SRBD1: variants seen among roughly 807,000 people sequenced by gnomAD.
The protein encoded by SRBD1 is S1 RNA-binding domain-containing protein 1.
A neutral mutation model predicts 115.3 loss-of-function variants in SRBD1; 88 were observed. That is an observed-to-expected ratio of 0.76 (90% CI 0.64 to 0.91). SRBD1 has a LOEUF of 0.91. Ranked by LOEUF, SRBD1 falls within the 40% of genes least tolerant of loss-of-function variation. The pLI, the probability that SRBD1 is intolerant of heterozygous loss-of-function variation, is 0.00. For missense variants in SRBD1, 1,385 were observed against 1,177.4 expected, an observed-to-expected ratio of 1.18 and a Z score of -2.58; for synonymous variants, 509 against 407.7, an observed-to-expected ratio of 1.25 and a Z score of -2.99.
chr2:45,550,173 T>C (rs990400888), intron 12 of SRBD1, among the ~76,000 whole-genome samples: 2 of 152,012 alleles, frequency 1.3e-5, no homozygotes, highest in East Asian at 1.9e-4. Context: ...AAATTAGACA[T>C]AGCAGGATAG....
chr2:45,495,040 A>G (rs1030738713), intron 14 of SRBD1, among the ~76,000 whole-genome samples: 9 of 152,168 alleles, frequency 5.9e-5, no homozygotes, highest in Admixed American at 1.3e-4. Context: ...CTGGGAGAAA[A>G]TAAAAAGTCT....
intron 16 of SRBD1, among the ~76,000 whole-genome samples, chr2:45,473,199 T>A (rs1669703138): frequency 6.6e-6 from 1 of 152,114 alleles, no homozygotes; most frequent in African/African-American, 2.4e-5. Flanking sequence ...TTAAATATCT[T>A]ATTGGTGGTT....
chr2:45,606,125 T>C (rs1674264658), intron 1 of SRBD1, among the ~76,000 whole-genome samples: 1 of 151,180 alleles, frequency 6.6e-6, no homozygotes, highest in Non-Finnish European at 1.5e-5. Context: ...TATTAAACTA[T>C]ATCTCAAAGA....
chr2:45,548,326 C>G (rs970426963), intron 12 of SRBD1, among the ~76,000 whole-genome samples: 2 of 151,492 alleles, frequency 1.3e-5, no homozygotes, highest in East Asian at 3.9e-4. Context: ...ATACTTTTAG[C>G]AATACCAATC....
At chr2:45,605,535 T>C (rs1340128779) in intron 1 of SRBD1, 94 bp from the exon 2 acceptor site, 3 of 1,193,222 alleles carry the variant, frequency 2.5e-6, no homozygotes, top group Non-Finnish European at 3.6e-6. Flanking sequence ...TAACATTTCA[T>C]AGGAAAAAAA....
At chr2:45,435,736 C>T (rs1558392664) in intron 16 of SRBD1, among the ~76,000 whole-genome samples, 1 of 152,078 alleles carries the variant, frequency 6.6e-6, no homozygotes, top group Admixed American at 6.5e-5. Context: ...GTGAGCTATT[C>T]TAGTCCTGGA....
At chr2:45,402,046 G>C (rs1348911843) in intron 19 of SRBD1, among the ~76,000 whole-genome samples, 2 of 152,032 alleles carry the variant, frequency 1.3e-5, no homozygotes, top group African/African-American at 2.4e-5. Flanking sequence ...ACTCATTAAG[G>C]GTCTTCAGTA....
rs568360668 is a variant in SRBD1, at chr2:45,389,320, C to T, written c.2978G>A (p.Arg993Gln). Residue 993 changes from arginine to glutamine, a missense_variant, in exon 21 of 21, where the codon CGG (arginine) becomes CAG (glutamine). Coordinates refer to ENST00000263736, the MANE Select transcript of SRBD1 (RefSeq NM_018079.5). ...GCCTTCGTGGGATACTCATAACACC[C>T]GAATGAGGTCCAGAGTAATCCTAGA... The part of the protein sequence containing the change: ...PRSRITLDLI[R>Q]VL 29 of 1,613,172 alleles carry T rather than the reference C, an allele frequency of 1.8e-5. No homozygotes were observed. Among genetic ancestry groups the T allele is most frequent in the African/African-American group, 8.0e-5 (6 of 74,798 alleles).
At chr2:45,408,798 T>A (rs1307521286) in intron 19 of SRBD1, among the ~76,000 whole-genome samples, 1 of 152,188 alleles carries the variant, frequency 6.6e-6, no homozygotes, top group Non-Finnish European at 1.5e-5. Flanking sequence ...TGAAACATTA[T>A]CTAGCTTTTA....
intron 3 of SRBD1, among the ~76,000 whole-genome samples, chr2:45,601,272 T>A (rs1372415923): frequency 6.6e-6 from 1 of 152,218 alleles, no homozygotes; most frequent in Non-Finnish European, 1.5e-5. Flanking sequence ...AAATTTCTGA[T>A]TACTACTTAA....
At chr2:45,551,999 C>T (rs1260513141) in intron 11 of SRBD1, among the ~76,000 whole-genome samples, 1 of 151,884 alleles carries the variant, frequency 6.6e-6, no homozygotes, top group African/African-American at 2.4e-5. Flanking sequence ...ACAGTCACCA[C>T]GGAGATAAAG....
rs201997350 is a variant in SRBD1, at chr2:45,549,550, AC to A, written c.1675+1574del. Among the ~76,000 whole-genome samples, 884 of 152,172 alleles carry A rather than the reference AC, an allele frequency of 5.8e-3. 8 individuals carry two copies. Among genetic ancestry groups the A allele is most frequent in the African/African-American group, 0.019 (794 of 41,532 alleles). On this transcript the variant is annotated intron_variant, in intron 12 of 20. Coordinates refer to ENST00000263736, the MANE Select transcript of SRBD1 (RefSeq NM_018079.5). ...ATGAGAACAAGCTTCTTAAAAAAAA[AC>A]ATTACAGAAAATAAGAGTAACGTTA...
At chr2:45,500,672 T>C (rs919186410) in intron 14 of SRBD1, among the ~76,000 whole-genome samples, 1 of 152,150 alleles carries the variant, frequency 6.6e-6, no homozygotes, top group Non-Finnish European at 1.5e-5. Flanking sequence ...CGTTTCGGCC[T>C]CCCAAAGTGC....
At chr2:45,586,983 AAATTATTTTAAATATTT>A (rs58381506) in intron 4 of SRBD1, among the ~76,000 whole-genome samples, 3,518 of 55,384 alleles carry the variant, frequency 0.064, 373 homozygotes, top group African/African-American at 0.1. Context: ...AAAATATTTA[AAATTATTTTAAATATTT>A]AATTATTTTA....
rs1352935327 is a variant in SRBD1, at chr2:45,472,240, C to T, written c.2049+4753G>A. Among the ~76,000 whole-genome samples the T allele has an allele frequency of 1.3e-5, 2 of 152,138 alleles. 1 individual carries two copies. The highest frequency in any genetic ancestry group is 4.8e-5 in the African/African-American group (2 of 41,430). ...AAGTGAAAGAGGTCAATCATAAAAA[C>T]CCACATATTGTATGATTCCATGTAT... On this transcript the variant is annotated intron_variant, in intron 16 of 20. Coordinates refer to ENST00000263736, the MANE Select transcript of SRBD1 (RefSeq NM_018079.5).
intron 16 of SRBD1, among the ~76,000 whole-genome samples, chr2:45,440,939 C>T (rs940974239): frequency 3.9e-5 from 6 of 152,170 alleles, no homozygotes; most frequent in South Asian, 2.1e-4. Context: ...AGAGTATTAA[C>T]GCATAATAAT....
chr2:45,477,626 T>C (rs1203406487), intron 15 of SRBD1, among the ~76,000 whole-genome samples: 1 of 152,196 alleles, frequency 6.6e-6, no homozygotes, highest in Non-Finnish European at 1.5e-5. Context: ...CTCAGTTCAC[T>C]GCAGCTTTGA....
At chr2:45,449,061 T>A (rs1668911603) in intron 16 of SRBD1, among the ~76,000 whole-genome samples, 1 of 152,236 alleles carries the variant, frequency 6.6e-6, no homozygotes, top group Admixed American at 6.5e-5. Flanking sequence ...GGAAGTTTAA[T>A]TTTAAACGAT....
intron 10 of SRBD1, among the ~76,000 whole-genome samples, chr2:45,555,814 C>CA (rs1469451375): frequency 6.6e-6 from 1 of 152,086 alleles, no homozygotes; most frequent in African/African-American, 2.4e-5. Flanking sequence ...TTCTCTGCTA[C>CA]AAACCCTGCT....
Sources: gnomAD v4.1 joint callset for allele counts (sites outside exome capture counted in the v4.1 genomes callset) on GRCh38, gnomAD v4.1.1 for gene constraint, MANE v1.5 for transcripts, NCBI Gene and HGNC (gene_info 2026-07-23, HGNC 2026-07-21) for gene names.